Variants in ZNF33B observed in about 807,000 individuals in gnomAD.
ZNF33B encodes zinc finger protein 33B.
In ZNF33B, 29 loss-of-function variants were observed where a neutral mutation model predicts 45.8. The ratio of observed to expected loss-of-function variants is 0.63; its 90% CI spans 0.47 to 0.86. The LOEUF is 0.86. Among genes scored for constraint, ZNF33B ranks in the 40% least tolerant of loss-of-function variants. ZNF33B has a pLI of 0.00. For missense variants in ZNF33B, 831 were observed against 909.9 expected, an observed-to-expected ratio of 0.91 and a Z score of 1.12; for synonymous variants, 305 against 307.8, an observed-to-expected ratio of 0.99 and a Z score of 0.10.
chr10:42,575,802 C>T (rs1433481408), intron 1 of ZNF33B, among the ~76,000 whole-genome samples: 1 of 150,854 alleles, frequency 6.6e-6, no homozygotes, highest in Non-Finnish European at 1.5e-5. Context: ...GCAATCTCAG[C>T]TCACCACGAC....
chr10:42,598,995 A>C (rs1837509852), intron 4 of ZNF33B, among the ~76,000 whole-genome samples: 1 of 152,194 alleles, frequency 6.6e-6, no homozygotes, highest in Non-Finnish European at 1.5e-5. Context: ...TCACTACTGA[A>C]GCATCTAGGG....
chr10:42,626,617 G>A (rs1838818854), intron 4 of ZNF33B, among the ~76,000 whole-genome samples: 1 of 152,000 alleles, frequency 6.6e-6, no homozygotes, highest in Non-Finnish European at 1.5e-5. Flanking sequence ...GAACCTGGGA[G>A]GCAGAGGTTG....
chr10:42,592,446 T>C lies in ZNF33B; in HGVS notation c.*167A>G, dbSNP rs1040187014. The C allele has an allele frequency of 2.0e-6, 2 of 980,468 alleles. No homozygotes were observed. The highest frequency in any genetic ancestry group is 1.5e-6 in the Non-Finnish European group (1 of 666,098). 60.7% of individuals were successfully genotyped at this position (980,468 alleles called of 1,614,324 possible). ...CTTCCTAACAAAAGCCATCCTATAGTTGTTGTAGTCTATGGGTTTATCCCC... is the reference window on the plus strand; with the variant it reads ...CTTCCTAACAAAAGCCATCCTATAGCTGTTGTAGTCTATGGGTTTATCCCC... On this transcript the variant is annotated 3_prime_UTR_variant, in exon 5 of 5. Transcript: ENST00000359467.
At chr10:42,605,940 T>A (rs1272700509) in intron 4 of ZNF33B, among the ~76,000 whole-genome samples, 3 of 150,942 alleles carry the variant, frequency 2.0e-5, no homozygotes, top group Admixed American at 6.6e-5. Context: ...TAAAAAAAAA[T>A]GTGTTTAATT....
chr10:42,626,741 T>C (rs1838827642), intron 4 of ZNF33B, among the ~76,000 whole-genome samples: 1 of 151,604 alleles, frequency 6.6e-6, no homozygotes, highest in South Asian at 2.1e-4. Context: ...GAAATGTTCC[T>C]GCTTCTATTT....
At chr10:42,585,756 C>G (rs1048512942), downstream of ZNF33B, among the ~76,000 whole-genome samples, 10 of 152,166 alleles carry the variant, frequency 6.6e-5, no homozygotes, top group African/African-American at 2.2e-4. Context: ...CCTTGCTGCC[C>G]TTTTTGTTAT....
chr10:42,603,832 T>G (rs181245865), intron 4 of ZNF33B, among the ~76,000 whole-genome samples: 1 of 152,302 alleles, frequency 6.6e-6, no homozygotes, highest in East Asian at 1.9e-4. Flanking sequence ...ATGCTAAAGA[T>G]AGTGTGCATT....
intron 1 of ZNF33B, chr10:42,581,464 C>CAAAAAAAA (rs10566063): frequency 1.4e-5 from 1 of 71,732 alleles, no homozygotes; most frequent in Non-Finnish European, 2.7e-5. Context: ...AAATCTGTCT[C>CAAAAAAAA]AAAAAAAAAA....
chr10:42,634,607 C>T (rs1191872211), intron 2 of ZNF33B, among the ~76,000 whole-genome samples: 2 of 152,148 alleles, frequency 1.3e-5, no homozygotes, highest in Non-Finnish European at 2.9e-5. Context: ...GCACAACCAA[C>T]CAACAGAACA....
chr10:42,617,799 G>A (rs904684485), intron 4 of ZNF33B, among the ~76,000 whole-genome samples: 1 of 149,366 alleles, frequency 6.7e-6, no homozygotes, highest in African/African-American at 2.5e-5. Flanking sequence ...AGATCATGAG[G>A]TATTATGATA....
At chr10:42,638,434 G>A (rs1839445640) in intron 1 of ZNF33B, 40 bp downstream of exon 1, 1 of 349,122 alleles carries the variant, frequency 2.9e-6, no homozygotes, top group Non-Finnish European at 5.7e-6. Context: ...GAGTCGCGCG[G>A]GGCCCCCTCT....
At chr10:42,627,835 T>A (rs55919893) in intron 4 of ZNF33B, among the ~76,000 whole-genome samples, 10,710 of 152,188 alleles carry the variant, frequency 0.07, 694 homozygotes, top group African/African-American at 0.17. Flanking sequence ...TATTTCCCTA[T>A]TGTCATTCTA....
Position 42,592,773 on chromosome 10 carries a change from C to A in ZNF33B, c.2177G>T (p.Cys726Phe), listed in dbSNP as rs1311621085. The A allele has an allele frequency of 6.2e-7, 1 of 1,614,098 alleles. No homozygotes were observed. The highest frequency in any genetic ancestry group is 2.2e-5 in the East Asian group (1 of 44,872). The change falls in exon 5 of 5, where the codon TGT becomes TTT. Residue 726 changes from cysteine to phenylalanine, a missense_variant. Transcript: ENST00000359467. ...TGATTTACGGTAAAAGATTTTTCCA[C>A]ATTCATTACACTGACAAGATTTCTC... ...TGEKSCQCNE[C>F]GKIFYRKSDL...
In ZNF33B at chr10:42,590,595, T is replaced by A. The variant is rs2132028713; in HGVS notation, c.*2018A>T. ...ACCGCGCCTGGTCTTGGAAGGTTAT[T>A]AATTACTGCTTCAATTTATTTAATA... On this transcript the variant is annotated 3_prime_UTR_variant, in exon 5 of 5. Transcript: ENST00000359467. 6.6e-6 allele frequency: 1 copy of A among 152,224 alleles called. No homozygotes were observed. The highest frequency in any genetic ancestry group is 1.9e-4 in the East Asian group (1 of 5,176). The allele number at this position is 152,224 out of a possible 1,614,324, so 9.4% of individuals were successfully genotyped here. A position where few individuals can be genotyped will look rare whatever the true frequency, so the allele number is the denominator to read the frequency against.
At chr10:42,617,357 G>A (rs1838370897) in intron 4 of ZNF33B, among the ~76,000 whole-genome samples, 1 of 151,584 alleles carries the variant, frequency 6.6e-6, no homozygotes, top group South Asian at 2.1e-4. Context: ...ACCCACCTTG[G>A]CCTCCCAAAG....
At chr10:42,623,661 T>C (rs1398648839) in intron 4 of ZNF33B, among the ~76,000 whole-genome samples, 2 of 152,156 alleles carry the variant, frequency 1.3e-5, no homozygotes, top group Non-Finnish European at 2.9e-5. Flanking sequence ...GAGGTTACCA[T>C]AGGCTGTTGG....
At chr10:42,616,751 C>A (rs993864646) in intron 4 of ZNF33B, among the ~76,000 whole-genome samples, 19 of 152,080 alleles carry the variant, frequency 1.2e-4, no homozygotes, top group African/African-American at 3.4e-4. Flanking sequence ...GCTGGAGTGT[C>A]GTGGCACCAT....
rs183195039 is a variant in ZNF33B at position 42,609,142 on chromosome 10, G to A, written c.251-14443C>T. On this transcript the variant is annotated intron_variant, in intron 4 of 4. Coordinates refer to ENST00000359467, the MANE Select transcript of ZNF33B (RefSeq NM_006955.3). The stretch of plus-strand genomic sequence containing the variant: ...TAAAACTCGCCATTACAGGTGGGAT[G>A]CAGTGGCTCATGCCTGTAATCCTAC... Among the ~76,000 whole-genome samples the A allele has an allele frequency of 3.9e-3, 592 of 152,332 alleles. 3 individuals are homozygous for A. Among genetic ancestry groups the A allele is most frequent in the South Asian group, 0.023 (110 of 4,830 alleles).
chr10:42,615,579 G>GT (rs1221493878), intron 4 of ZNF33B, among the ~76,000 whole-genome samples: 2 of 152,162 alleles, frequency 1.3e-5, no homozygotes, highest in Non-Finnish European at 2.9e-5. Flanking sequence ...GAAAGAGAAA[G>GT]TAATTGCTAA....
Sources: allele counts gnomAD v4.1 joint callset (sites outside exome capture counted in the v4.1 genomes callset), GRCh38; gene constraint gnomAD v4.1.1; transcripts MANE v1.5; gene names NCBI Gene and HGNC (gene_info 2026-07-23, HGNC 2026-07-21).